The following PRLR variants were observed in gnomAD, a reference collection of about 807,000 sequenced individuals.
PRLR encodes hPRL receptor.
Under a neutral mutation model 40.2 loss-of-function variants are expected in PRLR, and 13 were observed. The ratio of observed to expected loss-of-function variants is 0.32; its 90% confidence interval spans 0.21 to 0.51. The LOEUF is 0.51. PRLR is among the 20% of genes least tolerant of loss of function. The pLI is 0.97. For missense variants in PRLR, 656 were observed against 747.3 expected, an observed-to-expected ratio of 0.88 and a Z score of 1.42; for synonymous variants, 269 against 278.7, an observed-to-expected ratio of 0.97 and a Z score of 0.35.
chr5:35,222,426 T>C (rs1776448117), intron 1 of PRLR, among the ~76,000 whole-genome samples: 1 of 152,120 alleles, frequency 6.6e-6, no homozygotes, highest in Admixed American at 6.5e-5. Flanking sequence ...AGAACAGCCG[T>C]AAAGTGTGGG....
At chr5:35,194,330 G>C (rs1406400894) in intron 1 of PRLR, among the ~76,000 whole-genome samples, 3 of 152,190 alleles carry the variant, frequency 2.0e-5, no homozygotes, top group East Asian at 1.9e-4. Flanking sequence ...GTGCAGGTCA[G>C]TGAGGGGCTG....
At chr5:35,102,276 A>G (rs534039501) in intron 2 of PRLR, among the ~76,000 whole-genome samples, 97 of 152,214 alleles carry the variant, frequency 6.4e-4, no homozygotes, top group Middle Eastern at 3.4e-3. Flanking sequence ...AGCTGCTCCT[A>G]GAGATCAAGG....
rs149708487 is a variant in PRLR at position 35,188,584 on chromosome 5, G to C, written c.-106+41684C>G. On this transcript the variant is annotated intron_variant, in intron 1 of 9. Transcript: ENST00000618457. ...TTGCATGGTTCTGTGTACACAGCTT[G>C]GAGAACGGGAAAGAAAAATCAGAAC... 6.2e-3 allele frequency among the ~76,000 whole-genome samples: 946 copies of C among 152,290 alleles called. 9 individuals are homozygous for C. Among genetic ancestry groups the C allele is most frequent in the African/African-American group, 0.022 (900 of 41,546 alleles).
chr5:35,072,811 C>T (rs1010033128), intron 5 of PRLR, 67 bp from the exon 6 acceptor site: 2 of 1,549,178 alleles, frequency 1.3e-6, no homozygotes, highest in Non-Finnish European at 1.7e-6. Flanking sequence ...TTACCATTTT[C>T]TATTAGGAAT....
intron 1 of PRLR, among the ~76,000 whole-genome samples, chr5:35,153,864 G>C (rs1204332154): frequency 6.6e-6 from 1 of 151,170 alleles, no homozygotes; most frequent in African/African-American, 2.4e-5. Flanking sequence ...GTGCCCATTT[G>C]GTCCTGAGAA....
intron 1 of PRLR, among the ~76,000 whole-genome samples, chr5:35,203,263 A>G (rs539012185): frequency 1.8e-4 from 27 of 152,326 alleles, no homozygotes; most frequent in Non-Finnish European, 2.9e-5. Flanking sequence ...TTCTTATGCC[A>G]TAGAACTTAG....
intron 1 of PRLR, chr5:35,135,405 G>T: frequency 6.6e-6 from 1 of 152,498 alleles, no homozygotes. Context: ...TGAGAGAGGA[G>T]GGGAGAAAAG....
chr5:35,110,677 C>A (rs1772602668), intron 2 of PRLR, among the ~76,000 whole-genome samples: 1 of 152,142 alleles, frequency 6.6e-6, no homozygotes, highest in Admixed American at 6.5e-5. Flanking sequence ...TCAAAGTCAA[C>A]CCCATGGGGA....
rs1026245801 is a variant in PRLR, at chr5:35,049,472, C to A, written c.1010-64G>T. The A allele has an allele frequency of 2.7e-5, 18 of 667,702 alleles. No homozygotes were observed. In the Admixed American group the frequency reaches 4.0e-4, roughly 15 times the overall value. The allele number at this position is 667,702 out of a possible 1,614,324, so 41.4% of individuals were successfully genotyped here. A position where few individuals can be genotyped will look rare whatever the true frequency, so the allele number is the denominator to read the frequency against. The stretch of plus-strand genomic sequence containing the variant: ...TCTAGAGGGAAAGTGGGAGGTTATA[C>A]CTCTTTTATTTAAAAAGAAAATAAA... On this transcript the variant is annotated intron_variant, in intron 8 of 8. Coordinates refer to the PRLR transcript ENST00000231423.
chr5:35,184,273 G>C (rs1022270425), intron 1 of PRLR, among the ~76,000 whole-genome samples: 4 of 152,152 alleles, frequency 2.6e-5, no homozygotes, highest in Admixed American at 2.6e-4. Context: ...TAGCACTCTG[G>C]GAGGCTGAGG....
chr5:35,141,854 A>G (rs1299274178), intron 1 of PRLR, among the ~76,000 whole-genome samples: 2 of 151,944 alleles, frequency 1.3e-5, no homozygotes, highest in African/African-American at 4.8e-5. Flanking sequence ...CCACTCTATC[A>G]TCCTGCATTC....
chr5:35,203,935 T>G (rs1472897715), intron 1 of PRLR, among the ~76,000 whole-genome samples: 1 of 152,116 alleles, frequency 6.6e-6, no homozygotes, highest in East Asian at 1.9e-4. Flanking sequence ...TCGGATTGAT[T>G]TTTTGAGGGT....
chr5:35,104,581 C>G (rs935820513), intron 2 of PRLR, among the ~76,000 whole-genome samples: 5 of 152,138 alleles, frequency 3.3e-5, no homozygotes, highest in African/African-American at 4.8e-5. Context: ...ATATCCTGCC[C>G]CTGACTCGGA....
At chr5:35,208,269 G>C (rs1318920704) in intron 1 of PRLR, among the ~76,000 whole-genome samples, 4 of 151,770 alleles carry the variant, frequency 2.6e-5, no homozygotes, top group African/African-American at 4.8e-5. Context: ...CACACATACT[G>C]TTTCCTCTCT....
chr5:35,067,309 G>A (rs1769439940), intron 9 of PRLR, among the ~76,000 whole-genome samples: 1 of 152,132 alleles, frequency 6.6e-6, no homozygotes, highest in South Asian at 2.1e-4. Context: ...AAGTCTCTGT[G>A]GCTAGCAGGT....
At chr5:35,067,200 T>C (rs1489752225) in intron 9 of PRLR, among the ~76,000 whole-genome samples, 1 of 152,210 alleles carries the variant, frequency 6.6e-6, no homozygotes, top group Non-Finnish European at 1.5e-5. Flanking sequence ...AAAATAATAT[T>C]AATACTACCC....
intron 8 of PRLR, 30 bp downstream of exon 8, chr5:35,068,749 G>C: frequency 6.9e-7 from 1 of 1,453,734 alleles, no homozygotes; most frequent in Non-Finnish European, 9.6e-7. Context: ...TATCATGATT[G>C]GGAGGAAAAG....
At position 35,107,999 on chromosome 5, in the gene PRLR, A is replaced by G. The variant is rs192827695; in HGVS notation, c.-44+10062T>C. Among the ~76,000 whole-genome samples the G allele has an allele frequency of 3.4e-3, 517 of 152,344 alleles. 5 individuals carry two copies. Among genetic ancestry groups the G allele is most frequent in the African/African-American group, 0.012 (502 of 41,570 alleles). Reference sequence around the variant, plus strand: ...AATAAAACACTGGCAAACTGAATCCAGCAGCACATCAAAAAGCTTATCCAC... The same window carrying G: ...AATAAAACACTGGCAAACTGAATCCGGCAGCACATCAAAAAGCTTATCCAC... On this transcript the variant is annotated intron_variant, in intron 2 of 9. Coordinates refer to ENST00000618457, the MANE Select transcript of PRLR (RefSeq NM_000949.7).
At chr5:35,186,615 C>G (rs917872273) in intron 1 of PRLR, among the ~76,000 whole-genome samples, 3 of 152,128 alleles carry the variant, frequency 2.0e-5, no homozygotes, top group East Asian at 1.9e-4. Context: ...TTCTGGTGCA[C>G]CTGGCCCTTT....
Sources: allele counts gnomAD v4.1 joint callset (sites outside exome capture counted in the v4.1 genomes callset), GRCh38; gene constraint gnomAD v4.1.1; transcripts MANE v1.5; gene names NCBI Gene and HGNC (gene_info 2026-07-23, HGNC 2026-07-21).